CLCA1: variants seen among roughly 807,000 people sequenced by gnomAD.
CLCA1 encodes calcium-activated chloride channel regulator 1.
Under a neutral mutation model 85.6 loss-of-function variants are expected in CLCA1, and 59 were observed. The observed-to-expected ratio is 0.69, with a 90% CI of 0.56 to 0.86. The LOEUF (loss-of-function observed/expected upper bound fraction) is 0.86. Ranked by LOEUF, CLCA1 falls within the 40% of genes least tolerant of loss-of-function variation. The probability of loss-of-function intolerance (pLI) is 0.00; values close to 1 mark genes in which losing one functional copy is unlikely to be tolerated. For synonymous variants in CLCA1, 396 were observed against 398.3 expected, an observed-to-expected ratio of 0.99 and a Z score of 0.07; for missense variants, 1,022 against 1,101.4, an observed-to-expected ratio of 0.93 and a Z score of 1.02.
At chr1:86,493,697 A>C in intron 10 of CLCA1, 98 bp downstream of exon 10, 1 of 909,704 alleles carries the variant, frequency 1.1e-6, no homozygotes, top group South Asian at 1.6e-5. Context: ...GGTTGCTAAA[A>C]GGAGAGTCAG....
intron 9 of CLCA1, 85 bp from the exon 10 acceptor site, chr1:86,493,299 G>A (rs1280498722): frequency 2.3e-5 from 23 of 1,017,000 alleles, no homozygotes; most frequent in South Asian, 2.7e-5. Flanking sequence ...TTTTAATGGC[G>A]CACTGGGGAG....
intron 3 of CLCA1, among the ~76,000 whole-genome samples, chr1:86,476,106 G>A (rs55921523): frequency 3.7e-4 from 57 of 152,248 alleles, no homozygotes; most frequent in South Asian, 6.2e-4. Context: ...TCCCATAGCC[G>A]CCTTTGCTGA....
chr1:86,481,911 A>C (rs950264962), intron 4 of CLCA1, among the ~76,000 whole-genome samples: 1 of 152,234 alleles, frequency 6.6e-6, no homozygotes, highest in Non-Finnish European at 1.5e-5. Flanking sequence ...AATAGATTCA[A>C]AGGTGCCTGA....
chr1:86,485,198 A>T, intron 5 of CLCA1, 145 bp from the exon 6 acceptor site: 1 of 657,612 alleles, frequency 1.5e-6, no homozygotes, highest in Non-Finnish European at 2.7e-6. Flanking sequence ...CTGCATTATT[A>T]CTGTGATTTT....
chr1:86,498,886 C>CA (rs1273198157), intron 13 of CLCA1, 75 bp downstream of exon 13: 13 of 1,515,552 alleles, frequency 8.6e-6, no homozygotes, highest in African/African-American at 1.4e-5. Flanking sequence ...GTGAGGCAGG[C>CA]AGCCGTGTTC....
chr1:86,493,691 G>A, intron 10 of CLCA1, 92 bp downstream of exon 10: 1 of 963,556 alleles, frequency 1.0e-6, no homozygotes, highest in Non-Finnish European at 1.6e-6. Context: ...GTTGGTGGTT[G>A]CTAAAAGGAG....
intron 11 of CLCA1, among the ~76,000 whole-genome samples, chr1:86,495,270 C>T (rs5744405): frequency 7.0e-4 from 106 of 152,208 alleles, no homozygotes; most frequent in African/African-American, 2.4e-3. Context: ...AGAAACGATA[C>T]CATCTTAGAT....
intron 3 of CLCA1, 146 bp from the exon 4 acceptor site, chr1:86,476,302 T>G: frequency 1.8e-6 from 1 of 568,560 alleles, no homozygotes; most frequent in East Asian, 2.8e-5. Flanking sequence ...AAACGTACAG[T>G]TATATTAGAT....
chr1:86,478,340 T>G (rs1410357947), intron 4 of CLCA1, among the ~76,000 whole-genome samples: 1 of 151,918 alleles, frequency 6.6e-6, no homozygotes, highest in Non-Finnish European at 1.5e-5. Flanking sequence ...GGCAGGAGAA[T>G]TGCTTGAACC....
At chr1:86,471,165 A>C (rs1318882947) in intron 1 of CLCA1, among the ~76,000 whole-genome samples, 1 of 144,664 alleles carries the variant, frequency 6.9e-6, no homozygotes, top group Non-Finnish European at 1.6e-5. Context: ...GAAGGTACAC[A>C]GTAGGGTTAT....
intron 12 of CLCA1, among the ~76,000 whole-genome samples, chr1:86,496,390 A>C (rs1235681996): frequency 3.3e-5 from 5 of 152,164 alleles, no homozygotes; most frequent in Admixed American, 1.3e-4. Context: ...GATGAATTTC[A>C]TGTGGGCCAG....
chr1:86,482,181 C>T (rs755988085), intron 4 of CLCA1, 24 bp from the exon 5 acceptor site: 14 of 1,591,644 alleles, frequency 8.8e-6, no homozygotes, highest in African/African-American at 1.3e-5. Context: ...ATCACCTAAA[C>T]ATCTAACCTT....
chr1:86,472,218 T>C (rs1647522511), intron 1 of CLCA1, among the ~76,000 whole-genome samples: 1 of 152,164 alleles, frequency 6.6e-6, no homozygotes, highest in Admixed American at 6.5e-5. Context: ...TTGAAACCAC[T>C]CTTACGGAGC....
At chr1:86,478,809 T>C (rs1014100640) in intron 4 of CLCA1, among the ~76,000 whole-genome samples, 1 of 152,244 alleles carries the variant, frequency 6.6e-6, no homozygotes, top group East Asian at 1.9e-4. Context: ...AATATATTAA[T>C]AATATGTATT....
chr1:86,479,071 AG>A (rs1458281904), intron 4 of CLCA1, among the ~76,000 whole-genome samples: 1 of 152,254 alleles, frequency 6.6e-6, no homozygotes, highest in Non-Finnish European at 1.5e-5. Flanking sequence ...GGATGTAAAA[AG>A]ATGGAAAGGA....
chr1:86,488,171 T>C (rs1329924659), intron 7 of CLCA1, among the ~76,000 whole-genome samples: 1 of 152,212 alleles, frequency 6.6e-6, no homozygotes. Flanking sequence ...TGCCTTCTTA[T>C]CTGAGATTCT....
intron 12 of CLCA1, 76 bp from the exon 13 acceptor site, chr1:86,498,496 T>A: frequency 4.2e-6 from 6 of 1,442,514 alleles, no homozygotes; most frequent in Non-Finnish European, 5.8e-6. Flanking sequence ...AAGAGGGTGA[T>A]CTGATAAGAA....
At position 86,489,001 on chromosome 1, in the gene CLCA1, T is replaced by C. The variant is rs554497625; in HGVS notation, c.1188T>C (p.Ile396=). The C allele has an allele frequency of 1.1e-5, 18 of 1,613,592 alleles. No individual in the cohort carries two copies. The highest frequency in any genetic ancestry group is 8.0e-5 in the African/African-American group (6 of 75,014). Residue 396 remains isoleucine (I), a synonymous_variant, in exon 8 of 14, where the codon ATT becomes ATC. Coordinates refer to ENST00000394711, the MANE Select transcript of CLCA1 (RefSeq NM_001285.4). ...GCCCTAAATTCTGTCCTTAGGTGATTAGGAAGAAATATCCAACTGATGGAT... is the reference window on the plus strand; with the variant it reads ...GCCCTAAATTCTGTCCTTAGGTGATCAGGAAGAAATATCCAACTGATGGAT... ...CSGLRSAFTV[I]RKKYPTDGSE...
At chr1:86,477,821 C>T (rs575557864) in intron 4 of CLCA1, among the ~76,000 whole-genome samples, 37 of 152,194 alleles carry the variant, frequency 2.4e-4, no homozygotes, top group Admixed American at 1.5e-3. Flanking sequence ...TTGATAAAAA[C>T]GCACACTTAT....
Sources: allele counts gnomAD v4.1 joint callset (sites outside exome capture counted in the v4.1 genomes callset), GRCh38; gene constraint gnomAD v4.1.1; transcripts MANE v1.5; gene names NCBI Gene and HGNC (gene_info 2026-07-23, HGNC 2026-07-21).